KLHL1: variants seen among roughly 807,000 people sequenced by gnomAD.
KLHL1 encodes kelch like family member 1, also known as kelch-like protein 1.
Under a neutral mutation model 77.7 loss-of-function variants are expected in KLHL1, and 47 were observed. The ratio of observed to expected loss-of-function variants is 0.60; its 90% confidence interval spans 0.48 to 0.77. The LOEUF is 0.77. Among genes scored for constraint, KLHL1 ranks in the 30% least tolerant of loss-of-function variants. The pLI, the probability that KLHL1 is intolerant of heterozygous loss-of-function variation, is 0.00. For missense variants in KLHL1, 925 were observed against 910.8 expected (o/e 1.02, Z -0.20); for synonymous variants, 360 against 325.2 (o/e 1.11, Z -1.15).
chr13:69,821,100 A>T (rs984841279), intron 6 of KLHL1, among the ~76,000 whole-genome samples: 8 of 152,198 alleles, frequency 5.3e-5, no homozygotes, highest in Admixed American at 5.2e-4. Flanking sequence ...TTAAAAAAAT[A>T]AAAATTTCAT....
At chr13:69,862,415 C>A (rs1452621770) in intron 5 of KLHL1, among the ~76,000 whole-genome samples, 1 of 152,070 alleles carries the variant, frequency 6.6e-6, no homozygotes, top group African/African-American at 2.4e-5. Flanking sequence ...AATGGTAAAA[C>A]ATATACTTTA....
At chr13:69,789,743 C>T (rs1876771080) in intron 7 of KLHL1, among the ~76,000 whole-genome samples, 1 of 152,256 alleles carries the variant, frequency 6.6e-6, no homozygotes, top group East Asian at 1.9e-4. Flanking sequence ...GCTACTTCTC[C>T]TTCCTCACCT....
intron 8 of KLHL1, among the ~76,000 whole-genome samples, chr13:69,729,694 T>C (rs1873456767): frequency 6.6e-6 from 1 of 152,014 alleles, no homozygotes; most frequent in African/African-American, 2.4e-5. Flanking sequence ...ACCACAGAAT[T>C]TTAAAGCCAT....
chr13:70,015,372 T>C (rs1307165434), intron 1 of KLHL1, among the ~76,000 whole-genome samples: 1 of 152,132 alleles, frequency 6.6e-6, no homozygotes, highest in Non-Finnish European at 1.5e-5. Context: ...GGTAAACATA[T>C]GTATTATAGT....
chr13:70,012,162 A>G (rs1885550206), intron 1 of KLHL1, among the ~76,000 whole-genome samples: 1 of 152,160 alleles, frequency 6.6e-6, no homozygotes, highest in African/African-American at 2.4e-5. Flanking sequence ...GTGGGGACAC[A>G]GCCAAATCAT....
intron 1 of KLHL1, among the ~76,000 whole-genome samples, chr13:70,021,903 T>G (rs1441556): frequency 0.85 from 129,047 of 151,904 alleles, 55,181 homozygotes; most frequent in East Asian, 0.92. Context: ...GTCCTTTATC[T>G]AATATGTCTT....
Position 69,751,469 on chromosome 13 carries a change from T to A in KLHL1, c.1640-10913A>T, listed in dbSNP as rs937420579. Among the ~76,000 whole-genome samples the A allele has an allele frequency of 3.9e-5, 6 of 152,152 alleles. No individual in the cohort carries two copies. The East Asian group carries it at 1.2e-3, about 29-fold the overall frequency. On this transcript the variant is annotated intron_variant, in intron 7 of 10. Transcript: ENST00000377844. ...AGGTGAAAAGTGATGACTGAGCTAA[T>A]ATCTGGGGGAAGATTAAGATTTATG...
chr13:69,920,900 T>TA (rs1882611176), intron 4 of KLHL1, among the ~76,000 whole-genome samples: 1 of 152,136 alleles, frequency 6.6e-6, no homozygotes, highest in Admixed American at 6.6e-5. Context: ...GGATATTAAA[T>TA]AAAAAATACA....
intron 6 of KLHL1, among the ~76,000 whole-genome samples, chr13:69,807,495 C>A (rs1189126675): frequency 6.6e-6 from 1 of 152,052 alleles, no homozygotes; most frequent in East Asian, 1.9e-4. Context: ...TCAGGACCAC[C>A]TACTAGACTG....
At chr13:70,032,429 G>A (rs1886126170) in intron 1 of KLHL1, among the ~76,000 whole-genome samples, 1 of 152,130 alleles carries the variant, frequency 6.6e-6, no homozygotes, top group Non-Finnish European at 1.5e-5. Context: ...AGAAAACAAT[G>A]ACGGAGCAAA....
At position 69,925,031 on chromosome 13, in the gene KLHL1, G is replaced by A. The variant is rs549298963; in HGVS notation, c.1014+15009C>T. On this transcript the variant is annotated intron_variant, in intron 4 of 10. Coordinates refer to ENST00000377844, the MANE Select transcript of KLHL1 (RefSeq NM_020866.3). The stretch of plus-strand genomic sequence containing the variant: ...ACTCCTTGCCACTCTGCTTTCCCTT[G>A]GCAGGCATGGGATTCAGGCTGGTAG... Among the ~76,000 whole-genome samples the A allele has an allele frequency of 4.6e-5, 7 of 152,262 alleles. No individual in the cohort carries two copies. The East Asian group carries it at 9.7e-4, about 21-fold the overall frequency.
At chr13:69,961,202 T>C in intron 3 of KLHL1, 106 bp downstream of exon 3, 1 of 1,039,666 alleles carries the variant, frequency 9.6e-7, no homozygotes, top group Non-Finnish European at 1.4e-6. Context: ...ACTGAAAAGA[T>C]ACAGAATACA....
chr13:69,881,808 G>A (rs1881001729), intron 5 of KLHL1, among the ~76,000 whole-genome samples: 1 of 152,084 alleles, frequency 6.6e-6, no homozygotes, highest in Non-Finnish European at 1.5e-5. Context: ...TACTATTCAG[G>A]TATGTTTTAT....
intron 5 of KLHL1, among the ~76,000 whole-genome samples, chr13:69,861,593 C>T (rs1338510958): frequency 6.6e-6 from 1 of 151,698 alleles, no homozygotes; most frequent in Non-Finnish European, 1.5e-5. Context: ...CAATGTTTTA[C>T]AAACAAGTTT....
At chr13:70,027,401 C>T (rs1772316645) in intron 1 of KLHL1, among the ~76,000 whole-genome samples, 1 of 151,488 alleles carries the variant, frequency 6.6e-6, no homozygotes, top group Admixed American at 6.6e-5. Flanking sequence ...TTTTTCCCTT[C>T]ATCCATGAGT....
chr13:69,996,701 A>G (rs745311748), intron 1 of KLHL1, among the ~76,000 whole-genome samples: 5 of 152,076 alleles, frequency 3.3e-5, no homozygotes, highest in Non-Finnish European at 7.4e-5. Context: ...TTGATAATGC[A>G]TATACCAACA....
intron 4 of KLHL1, among the ~76,000 whole-genome samples, chr13:69,925,004 A>G (rs1593954777): frequency 1.3e-5 from 2 of 152,186 alleles, no homozygotes; most frequent in South Asian, 4.1e-4. Flanking sequence ...CCTCGCTCAC[A>G]CACTCCTTGC....
In KLHL1 at chr13:70,108,102, C is replaced by T. The variant is rs969966366; in HGVS notation, c.-403G>A. The T allele has an allele frequency of 7.2e-6, 3 of 413,852 alleles. No homozygotes were observed. The highest frequency in any genetic ancestry group is 1.3e-5 in the Non-Finnish European group (3 of 234,794). 25.6% of individuals were successfully genotyped at this position (413,852 alleles called of 1,614,324 possible). On this transcript the variant is annotated 5_prime_UTR_variant, in exon 1 of 11. Transcript: ENST00000377844. ...CTCCGGAGGCGGCTGCAGCTGGATA[C>T]ACCTCACTGGGATGCGCTTGTGGCA...
intron 1 of KLHL1, among the ~76,000 whole-genome samples, chr13:70,022,749 A>G (rs1323398182): frequency 6.6e-6 from 1 of 152,022 alleles, no homozygotes; most frequent in Non-Finnish European, 1.5e-5. Flanking sequence ...ACATGCTACC[A>G]TCTGAAAAGG....
Sources: allele counts gnomAD v4.1 joint callset (sites outside exome capture counted in the v4.1 genomes callset), GRCh38; gene constraint gnomAD v4.1.1; transcripts MANE v1.5; gene names NCBI Gene and HGNC (gene_info 2026-07-23, HGNC 2026-07-21).